Variants in PCDHGB3 observed in about 807,000 individuals in gnomAD.
PCDHGB3 encodes protocadherin gamma subfamily B, 3.
A neutral mutation model predicts 59.2 loss-of-function variants in PCDHGB3; 40 were observed. That is an observed-to-expected ratio of 0.68 (90% CI 0.52 to 0.88). The LOEUF is 0.88. Among genes scored for constraint, PCDHGB3 ranks in the 40% least tolerant of loss-of-function variants. PCDHGB3 has a pLI of 0.00. For missense variants in PCDHGB3, 1,309 were observed against 1,187.9 expected (o/e 1.10, Z -1.50); for synonymous variants, 581 against 503.6 (o/e 1.15, Z -2.06).
At chr5:141,388,401 A>G (rs1243768242) in intron 1 of PCDHGB3, 1 of 1,613,908 alleles carries the variant, frequency 6.2e-7, no homozygotes, top group Non-Finnish European at 8.5e-7. Context: ...TTACCAACTC[A>G]GTCCCAGTGA....
intron 1 of PCDHGB3, among the ~76,000 whole-genome samples, chr5:141,479,036 G>C (rs1202411463): frequency 1.3e-5 from 2 of 152,012 alleles, no homozygotes; most frequent in Non-Finnish European, 2.9e-5. Flanking sequence ...TATACAGATC[G>C]TGTACCTCAT....
intron 1 of PCDHGB3, chr5:141,421,719 C>T (rs2096595246): frequency 6.2e-7 from 1 of 1,613,942 alleles, no homozygotes; most frequent in Non-Finnish European, 8.5e-7. Flanking sequence ...CAGATGTGGG[C>T]GTGAACTCCC....
At position 141,375,795 on chromosome 5, in the gene PCDHGB3, G is replaced by T. The variant is rs765881835; in HGVS notation, c.2415+2986G>T. Reference sequence around the variant, plus strand: ...CTGTACCCCGCCCTCCCCACAGACGGTTCCACTGGCGTGGAGCTGGCGCCC... The same window carrying T: ...CTGTACCCCGCCCTCCCCACAGACGTTTCCACTGGCGTGGAGCTGGCGCCC... On this transcript the variant is annotated intron_variant, in intron 1 of 3. Coordinates refer to ENST00000576222, the MANE Select transcript of PCDHGB3 (RefSeq NM_018924.5). 4 of 1,614,218 alleles carry T rather than the reference G, an allele frequency of 2.5e-6. No individual in the cohort carries two copies. The South Asian group carries it at 3.3e-5, about 13-fold the overall frequency.
Position 141,469,939 on chromosome 5 carries a change from T to G in PCDHGB3, c.2416-24868T>G, listed in dbSNP as rs1376169822. Among the ~76,000 whole-genome samples, 3 of 152,186 alleles carry G rather than the reference T, an allele frequency of 2.0e-5. No individual in the cohort carries two copies. The East Asian group carries it at 5.8e-4, about 29-fold the overall frequency. On this transcript the variant is annotated intron_variant, in intron 1 of 3. Transcript: ENST00000576222. ...CGAGGTCAGGAGTTTGAGACCAGCC[T>G]GGCCAGCATGGTGAAACCCCATCTG...
chr5:141,374,078 C>T, intron 1 of PCDHGB3: 1 of 1,516,122 alleles, frequency 6.6e-7, no homozygotes, highest in Non-Finnish European at 8.8e-7. Flanking sequence ...TCCTAATAAG[C>T]CAGTAATGGC....
At chr5:141,419,024 G>A (rs1423033793) in intron 1 of PCDHGB3, 2 of 1,613,874 alleles carry the variant, frequency 1.2e-6, no homozygotes, top group Admixed American at 1.7e-5. Flanking sequence ...CTTAAGTAGA[G>A]GTGTTCCATT....
intron 1 of PCDHGB3, chr5:141,384,303 G>A (rs1199465212): frequency 1.2e-6 from 2 of 1,613,716 alleles, no homozygotes; most frequent in East Asian, 4.5e-5. Context: ...ACCCCAGAGG[G>A]GCCTCCATTT....
At chr5:141,418,065 G>T in intron 1 of PCDHGB3, 1 of 1,614,064 alleles carries the variant, frequency 6.2e-7, no homozygotes, top group East Asian at 2.2e-5. Context: ...CTGCGAGTGA[G>T]CGCGGAGAAG....
chr5:141,399,460 G>C (rs1465606526), intron 1 of PCDHGB3: 1 of 1,613,962 alleles, frequency 6.2e-7, no homozygotes, highest in Admixed American at 1.7e-5. Context: ...CAACGATAAC[G>C]CTCCGGTTTT....
intron 1 of PCDHGB3, among the ~76,000 whole-genome samples, chr5:141,468,979 C>T (rs1394344696): frequency 6.7e-6 from 1 of 149,482 alleles, no homozygotes; most frequent in African/African-American, 2.5e-5. Flanking sequence ...CTTTTGACTT[C>T]CAAAATTATT....
intron 1 of PCDHGB3, chr5:141,413,625 C>T (rs372855865): frequency 1.2e-6 from 2 of 1,613,854 alleles, no homozygotes; most frequent in Admixed American, 3.3e-5. Context: ...ATGAAAATGT[C>T]GCTGCGGGAA....
chr5:141,502,039 G>T (rs2099812498), intron 2 of PCDHGB3, among the ~76,000 whole-genome samples: 1 of 152,126 alleles, frequency 6.6e-6, no homozygotes, highest in South Asian at 2.1e-4. Context: ...CCGCTTGCCT[G>T]CTCTCCCTAC....
chr5:141,438,955 C>T (rs965336489), intron 1 of PCDHGB3, among the ~76,000 whole-genome samples: 3 of 151,926 alleles, frequency 2.0e-5, no homozygotes, highest in Non-Finnish European at 4.4e-5. Flanking sequence ...CATGAGCCAC[C>T]GCACCCTGCC....
chr5:141,385,171 T>C, intron 1 of PCDHGB3: 1 of 1,614,170 alleles, frequency 6.2e-7, no homozygotes, highest in South Asian at 1.1e-5. Context: ...CCATGAGGTC[T>C]CCCTCACCGC....
At chr5:141,488,239 G>A (rs576918071) in intron 1 of PCDHGB3, among the ~76,000 whole-genome samples, 3 of 152,222 alleles carry the variant, frequency 2.0e-5, no homozygotes, top group South Asian at 4.1e-4. Context: ...AACTAGATGC[G>A]GTAAATTGGA....
chr5:141,461,732 A>G (rs945368729), intron 1 of PCDHGB3, among the ~76,000 whole-genome samples: 5 of 152,154 alleles, frequency 3.3e-5, no homozygotes, highest in Non-Finnish European at 5.9e-5. Context: ...GTGCAGTGGC[A>G]CAATCCCGGC....
intron 1 of PCDHGB3, chr5:141,382,845 C>T: frequency 6.8e-7 from 1 of 1,475,804 alleles, no homozygotes; most frequent in African/African-American, 1.4e-5. Context: ...CGGATACACC[C>T]GCATTCTGAA....
At position 141,476,676 on chromosome 5, in the gene PCDHGB3, G is replaced by A. The variant is rs753538822; in HGVS notation, c.2416-18131G>A. The A allele has an allele frequency of 6.2e-7, 1 of 1,614,222 alleles. No individual in the cohort carries two copies. The highest frequency in any genetic ancestry group is 8.5e-7 in the Non-Finnish European group (1 of 1,180,054). On this transcript the variant is annotated intron_variant, in intron 1 of 3. Transcript: ENST00000576222. The surrounding 1 kb of genome is among the most constrained non-coding windows in gnomAD (Gnocchi z 7.6). ...TACTTTGCGCTTCGCGTGCAGACGC[G>A]GGAGGACAGCACCAAGTACGCGGAG...
At chr5:141,380,168 G>T (rs1204513654) in intron 1 of PCDHGB3, among the ~76,000 whole-genome samples, 1 of 152,074 alleles carries the variant, frequency 6.6e-6, no homozygotes, top group Non-Finnish European at 1.5e-5. Flanking sequence ...TCAAAGGGCT[G>T]GGATTACAGG....
Sources: gnomAD v4.1 joint callset for allele counts (sites outside exome capture counted in the v4.1 genomes callset) on GRCh38, gnomAD v4.1.1 for gene constraint, Gnocchi (gnomAD v3.1) non-coding constraint, MANE v1.5 for transcripts, NCBI Gene and HGNC (gene_info 2026-07-23, HGNC 2026-07-21) for gene names.